Variants in ARHGAP24 observed in about 807,000 individuals in gnomAD.
ARHGAP24 encodes the protein rho GTPase-activating protein 24.
ARHGAP24 carries 50 observed loss-of-function variants against 76.4 expected under a neutral mutation model. That is an observed-to-expected ratio of 0.65 (90% CI 0.52 to 0.83). The LOEUF is 0.83. Ranked by LOEUF, ARHGAP24 falls within the 40% of genes least tolerant of loss-of-function variation. ARHGAP24 has a pLI of 0.00. For synonymous variants in ARHGAP24, 345 were observed against 323.3 expected, an observed-to-expected ratio of 1.07 and a Z score of -0.72; for missense variants, 930 against 914.2, an observed-to-expected ratio of 1.02 and a Z score of -0.22.
intron 3 of ARHGAP24, among the ~76,000 whole-genome samples, chr4:85,859,003 T>C (rs1731734198): frequency 6.6e-6 from 1 of 152,074 alleles, no homozygotes; most frequent in African/African-American, 2.4e-5. Context: ...ATCTGTATAA[T>C]GCACATCCTC....
rs761058241 is a variant in ARHGAP24, at chr4:85,721,969, C to A, written c.265C>A (p.Pro89Thr). Reference sequence around the variant, plus strand: ...AGGGAAGTTCCTTTTTGAAGTAGTTCCAGGTAAGATATTTTCCTAGTCTGA... The same window carrying A: ...AGGGAAGTTCCTTTTTGAAGTAGTTACAGGTAAGATATTTTCCTAGTCTGA... ...NPGKFLFEVVPGGDRDRMTAN... is the reference protein window; with the variant it reads ...NPGKFLFEVVTGGDRDRMTAN... Residue 89 changes from proline to threonine, a missense_variant, in exon 3 of 10, where the codon CCA (proline) becomes ACA (threonine). Physicochemically the swap from Pro to Thr is conservative, Grantham distance 38 (BLOSUM62 -1). Coordinates refer to ENST00000395184, the MANE Select transcript of ARHGAP24 (RefSeq NM_001025616.3). The A allele has an allele frequency of 3.7e-6, 6 of 1,611,988 alleles. No homozygotes were observed.
intron 4 of ARHGAP24, among the ~76,000 whole-genome samples, chr4:85,938,399 G>A (rs1272076954): frequency 1.3e-5 from 2 of 152,180 alleles, no homozygotes; most frequent in South Asian, 2.1e-4. Flanking sequence ...GCTGGGGGCA[G>A]CACATGACCT....
chr4:85,493,523 CT>C (rs1480687055), intron 1 of ARHGAP24, among the ~76,000 whole-genome samples: 1 of 152,180 alleles, frequency 6.6e-6, no homozygotes, highest in Non-Finnish European at 1.5e-5. Flanking sequence ...TCCATTACAA[CT>C]GATATTTATT....
At chr4:85,851,513 C>T (rs1370386688) in intron 3 of ARHGAP24, among the ~76,000 whole-genome samples, 2 of 152,140 alleles carry the variant, frequency 1.3e-5, no homozygotes, top group Non-Finnish European at 2.9e-5. Flanking sequence ...GGTTGTTTTG[C>T]TCATTAGTTG....
chr4:85,960,607 T>G (rs1214042028), intron 5 of ARHGAP24, among the ~76,000 whole-genome samples: 2 of 152,102 alleles, frequency 1.3e-5, no homozygotes, highest in Non-Finnish European at 2.9e-5. Context: ...ACACTAGGAG[T>G]GTATTTTGAA....
chr4:85,643,228 TTTTGTG>T (rs1721590842), intron 2 of ARHGAP24, among the ~76,000 whole-genome samples: 1 of 103,978 alleles, frequency 9.6e-6, no homozygotes, highest in African/African-American at 3.6e-5. Context: ...TTTTCCGTTT[TTTTGTG>T]TTTTTTTTTT....
chr4:85,743,546 T>TGACAG (rs112323770), intron 3 of ARHGAP24, among the ~76,000 whole-genome samples: 11,357 of 151,706 alleles, frequency 0.075, 495 homozygotes, highest in Middle Eastern at 0.1. Context: ...CTAGCCTACG[T>TGACAG]GACAGGGCGA....
chr4:85,572,539 A>AAT (rs1727180585), intron 2 of ARHGAP24, among the ~76,000 whole-genome samples: 1 of 152,146 alleles, frequency 6.6e-6, no homozygotes, highest in Non-Finnish European at 1.5e-5. Flanking sequence ...AAAAGTTGAA[A>AAT]ATATATATTT....
intron 3 of ARHGAP24, among the ~76,000 whole-genome samples, chr4:85,785,230 C>T (rs1727775721): frequency 6.6e-6 from 1 of 152,086 alleles, no homozygotes; most frequent in Admixed American, 6.6e-5. Flanking sequence ...ATATATTGTT[C>T]ATTCAGCACT....
chr4:85,820,771 G>C (rs1293100783), intron 3 of ARHGAP24, among the ~76,000 whole-genome samples: 1 of 151,904 alleles, frequency 6.6e-6, no homozygotes, highest in East Asian at 1.9e-4. Context: ...GACTTTTTTT[G>C]ATCCACTGCT....
At chr4:85,532,491 A>C (rs905950042) in intron 1 of ARHGAP24, among the ~76,000 whole-genome samples, 4 of 152,300 alleles carry the variant, frequency 2.6e-5, no homozygotes, top group African/African-American at 9.6e-5. Context: ...TAAAGAGTAC[A>C]TGGTACAATT....
At chr4:85,615,917 C>T (rs758288174) in intron 2 of ARHGAP24, among the ~76,000 whole-genome samples, 21 of 152,156 alleles carry the variant, frequency 1.4e-4, no homozygotes, top group Non-Finnish European at 1.8e-4. Flanking sequence ...TATTATTTAT[C>T]CTGAAAAATT....
At chr4:85,982,874 A>T (rs1329339517) in intron 8 of ARHGAP24, among the ~76,000 whole-genome samples, 2 of 152,054 alleles carry the variant, frequency 1.3e-5, no homozygotes, top group African/African-American at 2.4e-5. Context: ...CATCACCTAG[A>T]TATTAAGCCC....
At chr4:85,625,266 G>A (rs1228704356) in intron 2 of ARHGAP24, among the ~76,000 whole-genome samples, 12 of 152,098 alleles carry the variant, frequency 7.9e-5, no homozygotes, top group Admixed American at 1.3e-4. Context: ...ATTCTGGTAC[G>A]TTGTGTCTTT....
At chr4:85,726,850 G>A (rs1725186725) in intron 3 of ARHGAP24, among the ~76,000 whole-genome samples, 1 of 152,118 alleles carries the variant, frequency 6.6e-6, no homozygotes, top group African/African-American at 2.4e-5. Context: ...CTGAGGCACA[G>A]AGAAGTAATT....
intron 5 of ARHGAP24, among the ~76,000 whole-genome samples, chr4:85,959,109 G>A (rs950090364): frequency 5.9e-5 from 9 of 152,190 alleles, no homozygotes; most frequent in African/African-American, 2.2e-4. Context: ...GAGCAGCCCC[G>A]ACGGCTGCTG....
chr4:85,742,689 C>A (rs1161973980), intron 3 of ARHGAP24, among the ~76,000 whole-genome samples: 1 of 152,180 alleles, frequency 6.6e-6, no homozygotes, highest in African/African-American at 2.4e-5. Flanking sequence ...TCCCTGATTT[C>A]TGTGACTCCA....
At chr4:85,608,394 C>G (rs931428547) in intron 2 of ARHGAP24, among the ~76,000 whole-genome samples, 2 of 152,058 alleles carry the variant, frequency 1.3e-5, no homozygotes, top group Admixed American at 6.5e-5. Context: ...ACCACTACTT[C>G]TTTGTGGTCC....
intron 2 of ARHGAP24, among the ~76,000 whole-genome samples, chr4:85,651,367 A>T (rs559334247): frequency 2.0e-5 from 3 of 149,360 alleles, no homozygotes; most frequent in African/African-American, 7.7e-5. Flanking sequence ...ATGTGAATAG[A>T]TTTATGAATT....
Sources: gnomAD v4.1 joint callset for allele counts (sites outside exome capture counted in the v4.1 genomes callset) on GRCh38, gnomAD v4.1.1 for gene constraint, MANE v1.5 for transcripts, NCBI Gene and HGNC (gene_info 2026-07-23, HGNC 2026-07-21) for gene names.